The following HERC1 variants were observed in gnomAD, a reference collection of about 807,000 sequenced individuals.
The protein encoded by HERC1 is HECT and RLD domain containing E3 ubiquitin protein ligase family member 1, also known as probable E3 ubiquitin-protein ligase HERC1.
In HERC1, 160 loss-of-function variants were observed where a neutral mutation model predicts 554.3. The ratio of observed to expected loss-of-function variants is 0.29; its 90% CI spans 0.25 to 0.33. HERC1 has a LOEUF of 0.33. Ranked by LOEUF, HERC1 falls within the 10% of genes least tolerant of loss-of-function variation. The pLI, the probability that HERC1 is intolerant of heterozygous loss-of-function variation, is 1.00. For synonymous variants in HERC1, 2,175 were observed against 2,131.7 expected (o/e 1.02, Z -0.56); for missense variants, 4,919 against 5,918.5 (o/e 0.83, Z 5.54).
intron 1 of HERC1, among the ~76,000 whole-genome samples, chr15:63,807,799 C>A (rs138854741): frequency 6.6e-6 from 1 of 152,106 alleles, no homozygotes; most frequent in South Asian, 2.1e-4. Context: ...TTTGTGCCCC[C>A]ACTCATGCTG....
rs2071416715 is a variant in HERC1 at position 63,680,394 on chromosome 15, A to G, written c.6465+143T>C. 1.1e-6 allele frequency: 1 copy of G among 949,206 alleles called. No individual in the cohort carries two copies. The highest frequency in any genetic ancestry group is 2.6e-5 in the East Asian group (1 of 37,984). 58.8% of individuals were successfully genotyped at this position (949,206 alleles called of 1,614,324 possible). ...TACTATCTTCCTGTTTGTTGTTAATAAATGTTTTAAGAACCAGAAAGTATT... is the reference window on the plus strand; with the variant it reads ...TACTATCTTCCTGTTTGTTGTTAATGAATGTTTTAAGAACCAGAAAGTATT... On this transcript the variant is annotated intron_variant, in intron 35 of 77. Transcript: ENST00000443617. The surrounding 1 kb of genome is among the most constrained non-coding windows in gnomAD (Gnocchi z 5.8).
intron 54 of HERC1, among the ~76,000 whole-genome samples, chr15:63,649,502 T>C (rs935816882): frequency 1.3e-5 from 2 of 152,206 alleles, no homozygotes; most frequent in African/African-American, 4.8e-5. Flanking sequence ...ATTACTAATG[T>C]TATAATACTA....
intron 2 of HERC1, among the ~76,000 whole-genome samples, chr15:63,771,586 C>T (rs1203747249): frequency 6.6e-6 from 1 of 152,034 alleles, no homozygotes; most frequent in African/African-American, 2.4e-5. Flanking sequence ...CACCTGCCAC[C>T]ATGCCTGGCT....
intron 76 of HERC1, 105 bp downstream of exon 76, chr15:63,615,663 T>A (rs867811666): frequency 2.6e-6 from 2 of 774,600 alleles, no homozygotes; most frequent in African/African-American, 1.8e-5. Flanking sequence ...TACAGAGGAA[T>A]TAACACAGTA....
intron 54 of HERC1, 135 bp from the exon 55 acceptor site, chr15:63,648,334 T>G: frequency 3.6e-6 from 3 of 835,680 alleles, no homozygotes; most frequent in Non-Finnish European, 3.6e-6. Flanking sequence ...TTTAATGCAT[T>G]TAGACAAAAT....
chr15:63,660,949 A>C, intron 46 of HERC1, 24 bp downstream of exon 46: 1 of 1,452,364 alleles, frequency 6.9e-7, no homozygotes, highest in South Asian at 1.1e-5. Context: ...CATGTAAAAT[A>C]AAGAAGCTCT....
At position 63,692,550 on chromosome 15, in the gene HERC1, T is replaced by C. The variant is rs2072168178; in HGVS notation, c.5691A>G (p.Gln1897=). The C allele has an allele frequency of 6.2e-7, 1 of 1,608,828 alleles. No individual in the cohort carries two copies. The highest frequency in any genetic ancestry group is 8.5e-7 in the Non-Finnish European group (1 of 1,178,308). ...CCCCTAGATGGAGTTCGGCTGCATGTTGTTTCCTAAGAGCAGCTACAGTGA... is the reference window on the plus strand; with the variant it reads ...CCCCTAGATGGAGTTCGGCTGCATGCTGTTTCCTAAGAGCAGCTACAGTGA... ...KKDFRAALRK[Q]HAAELHLGDF... is the part of the protein sequence containing the mutation. The change falls in exon 31 of 78, where the codon CAA becomes CAG. Residue 1897 remains glutamine, a synonymous_variant. Transcript: ENST00000443617. The surrounding 1 kb of genome is among the most constrained non-coding windows in gnomAD (Gnocchi z 4.7).
chr15:63,649,121 A>G (rs536981742), intron 54 of HERC1, among the ~76,000 whole-genome samples: 54 of 152,288 alleles, frequency 3.5e-4, no homozygotes, highest in Non-Finnish European at 6.3e-4. Flanking sequence ...TTGGGAGGCC[A>G]AGGTGGGCGG....
Position 63,616,746 on chromosome 15 carries a change from A to T in HERC1, c.13689-64T>A, listed in dbSNP as rs941083027. On this transcript the variant is annotated intron_variant, in intron 74 of 77. Transcript: ENST00000443617. ...TTATTTCTATTAGAAATAAGTTAGC[A>T]ACAACAGCTATAGCGTTAGTCTATA... The T allele has an allele frequency of 2.8e-6, 4 of 1,440,600 alleles. No individual in the cohort carries two copies. The African/African-American group carries it at 5.6e-5, about 20-fold the overall frequency. The allele number at this position is 1,440,600 out of a possible 1,614,324, so 89.2% of individuals were successfully genotyped here.
chr15:63,764,908 G>C (rs971189793), intron 2 of HERC1, among the ~76,000 whole-genome samples: 1 of 152,206 alleles, frequency 6.6e-6, no homozygotes, highest in Non-Finnish European at 1.5e-5. Flanking sequence ...AAATGGAGGA[G>C]TTTAACTGGT....
At chr15:63,629,396 G>C (rs1020507933) in intron 69 of HERC1, among the ~76,000 whole-genome samples, 1 of 152,196 alleles carries the variant, frequency 6.6e-6, no homozygotes, top group Non-Finnish European at 1.5e-5. Flanking sequence ...CTTACGGAAA[G>C]GAAATGAATT....
chr15:63,698,548 T>C (rs776559566), intron 26 of HERC1, among the ~76,000 whole-genome samples, 180 bp downstream of exon 26: 17 of 152,280 alleles, frequency 1.1e-4, no homozygotes, highest in Middle Eastern at 3.4e-3. Flanking sequence ...TGCACTTTTG[T>C]CTAGTTCAAA....
chr15:63,800,710 T>C (rs894729571), intron 1 of HERC1, among the ~76,000 whole-genome samples: 4 of 152,210 alleles, frequency 2.6e-5, no homozygotes, highest in Admixed American at 6.5e-5. Flanking sequence ...TAATGTCCAT[T>C]TGTGGCATAA....
chr15:63,662,087 GATTA>G (rs1302607492), intron 44 of HERC1, 66 bp from the exon 45 acceptor site: 1 of 1,422,252 alleles, frequency 7.0e-7, no homozygotes, highest in African/African-American at 1.4e-5. Context: ...GTACCAAGTA[GATTA>G]TTTATATTAA....
chr15:63,666,249 G>T, intron 41 of HERC1, 99 bp from the exon 42 acceptor site: 1 of 1,371,308 alleles, frequency 7.3e-7, no homozygotes, highest in Non-Finnish European at 1.0e-6. Context: ...ACAAAATATA[G>T]TGTTAAAAAT....
chr15:63,753,693 T>C (rs2075324025), intron 7 of HERC1, among the ~76,000 whole-genome samples: 1 of 152,206 alleles, frequency 6.6e-6, no homozygotes, highest in Admixed American at 6.5e-5. Context: ...TTCACACTGC[T>C]AGTAGGAGTG....
intron 1 of HERC1, among the ~76,000 whole-genome samples, chr15:63,810,262 T>C (rs1161022299): frequency 6.6e-6 from 1 of 152,068 alleles, no homozygotes; most frequent in Non-Finnish European, 1.5e-5. Context: ...AAGGCAGAAA[T>C]AGACCAATTG....
chr15:63,630,735 G>A, intron 68 of HERC1, 100 bp from the exon 69 acceptor site: 1 of 1,179,604 alleles, frequency 8.5e-7, no homozygotes, highest in South Asian at 1.6e-5. Flanking sequence ...ATGGTGGAAT[G>A]GCAATGACAC....
chr15:63,702,751 A>G (rs2072789766), intron 25 of HERC1, among the ~76,000 whole-genome samples: 1 of 152,226 alleles, frequency 6.6e-6, no homozygotes, highest in East Asian at 1.9e-4. Context: ...TACTAAATAC[A>G]AATTTCATAT....
Sources: gnomAD v4.1 joint callset for allele counts (sites outside exome capture counted in the v4.1 genomes callset) on GRCh38, gnomAD v4.1.1 for gene constraint, Gnocchi (gnomAD v3.1) non-coding constraint, MANE v1.5 for transcripts, NCBI Gene and HGNC (gene_info 2026-07-23, HGNC 2026-07-21) for gene names.